Variants in ZFX observed in about 807,000 individuals in gnomAD.
ZFX encodes zinc finger X-chromosomal protein.
For missense variants in ZFX, 362 were observed against 628.3 expected, an observed-to-expected ratio of 0.58 and a Z score of 4.53; for synonymous variants, 196 against 226.8, an observed-to-expected ratio of 0.86 and a Z score of 1.22.
intron 3 of ZFX, among the ~76,000 whole-genome samples, chrX:24,168,137 C>A (rs1278377673): frequency 4.5e-5 from 5 of 111,953 alleles, no homozygotes; most frequent in Non-Finnish European, 9.4e-5. Context: ...ATTAATTAGG[C>A]CTTAAATATA....
Position 24,211,575 on chromosome X carries a change from T to TTA in ZFX, c.*199_*200insTA. On this transcript the variant is annotated 3_prime_UTR_variant, in exon 10 of 10. Transcript: ENST00000304543. ...TCTGAATTCTATTCAGTTTGTTTAATAAATAGGGAAAACTGGCAACATGCT... is the reference window on the plus strand; with the variant it reads ...TCTGAATTCTATTCAGTTTGTTTAATTAAAATAGGGAAAACTGGCAACATGCT... 2.2e-6 allele frequency: 1 copy of TTA among 454,659 alleles called. No homozygotes were observed. The highest frequency in any genetic ancestry group is 3.6e-6 in the Non-Finnish European group (1 of 280,035). The allele number at this position is 454,659 out of a possible 1,213,427, so 37.5% of individuals were successfully genotyped here.
chrX:24,160,236 T>C (rs1038888517), intron 3 of ZFX, among the ~76,000 whole-genome samples: 9 of 97,834 alleles, frequency 9.2e-5, no homozygotes, highest in Non-Finnish European at 2.0e-4. Context: ...ATAATATATA[T>C]ACTAAAAACT....
chrX:24,216,201 T>G lies in ZFX; in HGVS notation c.*4825T>G, dbSNP rs1938454184. 9.0e-6 allele frequency: 1 copy of G among 111,680 alleles called. No individual in the cohort carries two copies. The allele number at this position is 111,680 out of a possible 1,213,427, so 9.2% of individuals were successfully genotyped here. On this transcript the variant is annotated 3_prime_UTR_variant, in exon 10 of 10. Transcript: ENST00000304543. Reference sequence around the variant, plus strand: ...GAAGCTGGAGGTGATTCGACTCCCTTCAGTGGTTCAACACTAATAATAGCA... The same window carrying G: ...GAAGCTGGAGGTGATTCGACTCCCTGCAGTGGTTCAACACTAATAATAGCA...
At chrX:24,199,917 CAAAA>C (rs750693884) in intron 5 of ZFX, among the ~76,000 whole-genome samples, 1 of 70,523 alleles carries the variant, frequency 1.4e-5, no homozygotes, top group Non-Finnish European at 2.8e-5. Context: ...AACTCCGTCT[CAAAA>C]AAAAAAAAAA....
At chrX:24,208,118 C>G in intron 7 of ZFX, 100 bp from the exon 8 acceptor site, 4 of 1,045,164 alleles carry the variant, frequency 3.8e-6, no homozygotes, top group Non-Finnish European at 5.2e-6. Context: ...AATATTTGGA[C>G]CATCTTTCCA....
At chrX:24,150,006 G>A (rs1931789055) in intron 1 of ZFX, 1 of 107,168 alleles carries the variant, frequency 9.3e-6, no homozygotes, top group Non-Finnish European at 1.9e-5. Context: ...AAGCGGGCGG[G>A]GGTTGGGGGA....
At chrX:24,208,068 A>G in intron 7 of ZFX, 150 bp from the exon 8 acceptor site, 1 of 853,000 alleles carries the variant, frequency 1.2e-6, no homozygotes, top group Non-Finnish European at 1.6e-6. Flanking sequence ...ACAAATATGT[A>G]TTGAGTGCTT....
At chrX:24,209,070 G>A (rs1487550822) in intron 9 of ZFX, 30 bp downstream of exon 9, 5 of 1,209,711 alleles carry the variant, frequency 4.1e-6, no homozygotes, top group Non-Finnish European at 5.6e-6. Flanking sequence ...ATGGCGCAGC[G>A]TGCTCTGCGA....
upstream of ZFX, chrX:24,149,245 CGA>C (rs1439100163): frequency 1.8e-5 from 2 of 109,988 alleles, no homozygotes; most frequent in Non-Finnish European, 3.8e-5. Flanking sequence ...AGGACCGGCG[CGA>C]GAGGCGGTAG....
chrX:24,211,482 T>G lies in ZFX; in HGVS notation c.*106T>G. 1 of 924,416 alleles carries G rather than the reference T, an allele frequency of 1.1e-6. No homozygotes were observed. The highest frequency in any genetic ancestry group is 2.0e-5 in the African/African-American group (1 of 50,326). 76.2% of individuals were successfully genotyped at this position (924,416 alleles called of 1,213,427 possible). On this transcript the variant is annotated 3_prime_UTR_variant, in exon 10 of 10. Coordinates refer to ENST00000304543, the MANE Select transcript of ZFX (RefSeq NM_003410.4). The stretch of plus-strand genomic sequence containing the variant: ...TACAATACTGTATATTGATTTATGC[T>G]GTGTACAAATAGAATTATTACTTCT...
chrX:24,167,226 T>A (rs1934081469), intron 3 of ZFX, among the ~76,000 whole-genome samples: 1 of 111,813 alleles, frequency 8.9e-6, no homozygotes, highest in East Asian at 2.8e-4. Context: ...GGGATACTCT[T>A]CCACCATTAA....
intron 3 of ZFX, among the ~76,000 whole-genome samples, chrX:24,154,255 TTTG>T (rs1205374419): frequency 1.8e-5 from 2 of 111,903 alleles, no homozygotes; most frequent in Non-Finnish European, 3.8e-5. Context: ...TTCATATCTT[TTTG>T]TTGTTTAAAG....
At chrX:24,178,547 C>T (rs1456640346) in intron 4 of ZFX, among the ~76,000 whole-genome samples, 1 of 110,277 alleles carries the variant, frequency 9.1e-6, no homozygotes, top group African/African-American at 3.3e-5. Flanking sequence ...TCTTGGCCTC[C>T]CAAAGTGCTG....
chrX:24,157,554 A>G (rs750279144), intron 3 of ZFX, among the ~76,000 whole-genome samples: 1 of 111,933 alleles, frequency 8.9e-6, no homozygotes. Context: ...TTGTTATTTC[A>G]TGCCAAACAA....
chrX:24,177,008 C>T (rs1461470031), intron 4 of ZFX, among the ~76,000 whole-genome samples: 1 of 111,811 alleles, frequency 8.9e-6, no homozygotes, highest in Non-Finnish European at 1.9e-5. Context: ...TCTCGGCTTA[C>T]TGCAACCTCT....
At chrX:24,200,432 A>G in intron 5 of ZFX, among the ~76,000 whole-genome samples, 1 of 112,113 alleles carries the variant, frequency 8.9e-6, no homozygotes, top group East Asian at 2.8e-4. Flanking sequence ...GATTGTGCCA[A>G]GCCTGTGTGA....
At chrX:24,195,312 G>A (rs1205103911) in intron 5 of ZFX, among the ~76,000 whole-genome samples, 2 of 108,488 alleles carry the variant, frequency 1.8e-5, no homozygotes, top group African/African-American at 6.7e-5. Context: ...CCCTGCCTCA[G>A]TCTCCTGAGT....
intron 3 of ZFX, among the ~76,000 whole-genome samples, chrX:24,161,466 C>CT (rs1458611388): frequency 9.0e-6 from 1 of 111,591 alleles, no homozygotes; most frequent in Non-Finnish European, 1.9e-5. Flanking sequence ...AGTTGGAAGA[C>CT]TTAACACTAA....
In ZFX at chrX:24,207,003, G is replaced by A. The variant is rs1040662971; in HGVS notation, c.647-323G>A. On this transcript the variant is annotated intron_variant, in intron 5 of 9. Transcript: ENST00000304543. ...TAACCCAGCACTTTGGGAGGCTGAG[G>A]TGGGCAGATCACGAGGTCAGGAGAT... Among the ~76,000 whole-genome samples, 165 of 110,487 alleles carry A rather than the reference G, an allele frequency of 1.5e-3. 1 individual carries two copies. Among genetic ancestry groups the A allele is most frequent in the African/African-American group, 5.2e-3 (158 of 30,382 alleles).
Sources: allele counts gnomAD v4.1 joint callset (sites outside exome capture counted in the v4.1 genomes callset), GRCh38; gene constraint gnomAD v4.1.1; transcripts MANE v1.5; gene names NCBI Gene and HGNC (gene_info 2026-07-23, HGNC 2026-07-21).